OLAH: variants seen among roughly 807,000 people sequenced by gnomAD.
The protein encoded by OLAH is S-acyl fatty acid synthase thioesterase, medium chain.
OLAH carries 33 observed loss-of-function variants against 27.8 expected under a neutral mutation model. The observed-to-expected ratio is 1.19, with a 90% CI of 0.90 to 1.59. The LOEUF is 1.59. OLAH is among the 40% of genes most tolerant of loss of function. The pLI is 0.00. For missense variants in OLAH, 359 were observed against 310.8 expected (o/e 1.16, Z -1.17); for synonymous variants, 120 against 102.9 (o/e 1.17, Z -1.01).
At chr10:15,072,247 T>A (rs1844604991) in intron 7 of OLAH, among the ~76,000 whole-genome samples, 1 of 152,178 alleles carries the variant, frequency 6.6e-6, no homozygotes, top group Non-Finnish European at 1.5e-5. Context: ...TTAAAATTTT[T>A]TTTTTTAATT....
intron 1 of OLAH, chr10:15,032,500 G>A (rs1307943706): frequency 1.3e-5 from 2 of 150,512 alleles, no homozygotes; most frequent in Admixed American, 6.6e-5. Flanking sequence ...GAGGGCGCCT[G>A]TAGTCCCAGC....
chr10:15,060,793 C>A (rs1844347355), intron 3 of OLAH, among the ~76,000 whole-genome samples: 1 of 152,060 alleles, frequency 6.6e-6, no homozygotes, highest in South Asian at 2.1e-4. Flanking sequence ...TACCTTCCAG[C>A]TTTTTGGCAT....
In OLAH at chr10:15,047,488, A is replaced by G; in HGVS notation, c.32+168A>G. 3.0e-5 allele frequency: 20 copies of G among 661,790 alleles called. 1 individual carries two copies. The South Asian group carries it at 3.2e-4, about 11-fold the overall frequency. The allele number at this position is 661,790 out of a possible 1,614,324, so 41.0% of individuals were successfully genotyped here. A position where few individuals can be genotyped will look rare whatever the true frequency, so the allele number is the denominator to read the frequency against. ...GGCAGGTGAATTACCTGAGGTCAGG[A>G]GTTCAAGACCAGCCTGGCCGACATG... On this transcript the variant is annotated intron_variant, in intron 2 of 7. Transcript: ENST00000378228.
At chr10:15,050,143 C>A (rs1040081019) in intron 3 of OLAH, among the ~76,000 whole-genome samples, 12 of 152,192 alleles carry the variant, frequency 7.9e-5, no homozygotes, top group African/African-American at 2.9e-4. Flanking sequence ...TAAATCCAGG[C>A]GCAGTGGCGC....
chr10:15,048,943 A>G (rs559647981), intron 2 of OLAH, among the ~76,000 whole-genome samples: 2 of 152,084 alleles, frequency 1.3e-5, no homozygotes, highest in South Asian at 2.1e-4. Context: ...CTCTACTAAA[A>G]CATAAAAAAA....
intron 2 of OLAH, among the ~76,000 whole-genome samples, chr10:15,048,602 G>A (rs1844068411): frequency 6.6e-6 from 1 of 152,176 alleles, no homozygotes; most frequent in South Asian, 2.1e-4. Context: ...CATATAACTT[G>A]AAAAGTGGCT....
rs1844627532 is a variant in OLAH, at chr10:15,073,209, T to G, written c.778T>G (p.Ser260Ala). 6.3e-7 allele frequency: 1 copy of G among 1,588,932 alleles called. No individual in the cohort carries two copies. ...CTACATAATCAAGTGTCTAGAAGTATCATCGATATCCAATTTTTAGATATT... is the reference window on the plus strand; with the variant it reads ...CTACATAATCAAGTGTCTAGAAGTAGCATCGATATCCAATTTTTAGATATT... ...KNYIIKCLEVSSISNF is the reference protein window; with the variant it reads ...KNYIIKCLEVASISNF Residue 260 changes from serine to alanine, a missense_variant, in exon 8 of 8, where the codon TCA (serine) becomes GCA (alanine). Coordinates refer to ENST00000378228, the MANE Select transcript of OLAH (RefSeq NM_001039702.3).
At chr10:15,059,943 A>G (rs377106240) in intron 3 of OLAH, among the ~76,000 whole-genome samples, 2 of 151,998 alleles carry the variant, frequency 1.3e-5, no homozygotes, top group African/African-American at 4.8e-5. Flanking sequence ...TGTGGTTTTC[A>G]TTGTTTATTC....
chr10:15,063,745 A>G (rs1043027081), intron 4 of OLAH, among the ~76,000 whole-genome samples: 2 of 152,246 alleles, frequency 1.3e-5, no homozygotes, highest in Non-Finnish European at 2.9e-5. Flanking sequence ...TTACCTAAAA[A>G]TAACATTAAC....
intron 1 of OLAH, among the ~76,000 whole-genome samples, chr10:15,036,869 A>G (rs1843848162): frequency 6.6e-6 from 1 of 152,068 alleles, no homozygotes; most frequent in African/African-American, 2.4e-5. Flanking sequence ...TCACGAGGTC[A>G]AGAGTTTGAG....
intron 3 of OLAH, chr10:15,056,901 T>C (rs1163571769): frequency 3.3e-6 from 5 of 1,535,322 alleles, no homozygotes; most frequent in African/African-American, 1.4e-5. Flanking sequence ...AGCCTACCCA[T>C]GTGCTGGCGT....
chr10:15,065,026 C>A (rs1277405976), intron 5 of OLAH, among the ~76,000 whole-genome samples: 1 of 152,118 alleles, frequency 6.6e-6, no homozygotes, highest in African/African-American at 2.4e-5. Context: ...TTGAAAAGTC[C>A]CTTAAATCTC....
chr10:15,059,833 G>A (rs1471238040), intron 3 of OLAH, among the ~76,000 whole-genome samples: 1 of 152,006 alleles, frequency 6.6e-6, no homozygotes, highest in Admixed American at 6.6e-5. Flanking sequence ...AATAAGAAAT[G>A]TTTTGCCATT....
At position 15,037,989 on chromosome 10, in the gene OLAH, C is replaced by T. The variant is rs559589437; in HGVS notation, c.-164+5639C>T. Among the ~76,000 whole-genome samples the T allele has an allele frequency of 2.0e-5, 3 of 152,342 alleles. No individual in the cohort carries two copies. The South Asian group carries it at 6.2e-4, about 32-fold the overall frequency. ...GGGCAGACTGCAGGTGCTTGCGAAT[C>T]TTGGGCTTGGGGTTGGAGGCTGCCC... On this transcript the variant is annotated intron_variant, in intron 1 of 3. Transcript: ENST00000413672.
intron 6 of OLAH, among the ~76,000 whole-genome samples, chr10:15,067,566 T>A (rs889394649): frequency 6.6e-6 from 1 of 152,156 alleles, no homozygotes; most frequent in African/African-American, 2.4e-5. Context: ...ACATAAATCA[T>A]TCATGGGGAT....
chr10:15,041,936 GTCC>G (rs1843926803), upstream of OLAH, among the ~76,000 whole-genome samples: 1 of 151,792 alleles, frequency 6.6e-6, no homozygotes, highest in South Asian at 2.1e-4. Flanking sequence ...TTACGTCTTT[GTCC>G]TCCTATTTCC....
At chr10:15,071,655 T>C in intron 6 of OLAH, 140 bp from the exon 7 acceptor site, 1 of 1,412,876 alleles carries the variant, frequency 7.1e-7, no homozygotes, top group Non-Finnish European at 9.3e-7. Flanking sequence ...GAAGTGCCAT[T>C]GGTGAAAAAT....
upstream of OLAH, among the ~76,000 whole-genome samples, chr10:15,040,272 T>A (rs1309084270): frequency 6.6e-6 from 1 of 152,132 alleles, no homozygotes; most frequent in Non-Finnish European, 1.5e-5. Context: ...CCTGCCAGTC[T>A]CATGCTTGGG....
chr10:15,034,804 CTTTT>C (rs71505056), intron 1 of OLAH, among the ~76,000 whole-genome samples: 3 of 83,466 alleles, frequency 3.6e-5, no homozygotes, highest in African/African-American at 1.1e-4. Flanking sequence ...TTCTTTCTTT[CTTTT>C]TTTTTTTTTT....
Sources: gnomAD v4.1 joint callset for allele counts (sites outside exome capture counted in the v4.1 genomes callset) on GRCh38, gnomAD v4.1.1 for gene constraint, MANE v1.5 for transcripts, NCBI Gene and HGNC (gene_info 2026-07-23, HGNC 2026-07-21) for gene names.